Variants in LGI2 observed in about 807,000 individuals in gnomAD.
LGI2 encodes the protein leucine-rich repeat LGI family member 2.
Under a neutral mutation model 52.0 loss-of-function variants are expected in LGI2, and 30 were observed. That is an observed-to-expected ratio of 0.58 (90% CI 0.43 to 0.78). The LOEUF (loss-of-function observed/expected upper bound fraction) is 0.78. Ranked by LOEUF, LGI2 falls within the 30% of genes least tolerant of loss-of-function variation. The pLI, the probability that LGI2 is intolerant of heterozygous loss-of-function variation, is 0.00. For synonymous variants in LGI2, 270 were observed against 271.8 expected (o/e 0.99, Z 0.06); for missense variants, 573 against 692.5 (o/e 0.83, Z 1.94).
At chr4:25,017,270 G>A (rs897204231) in intron 6 of LGI2, among the ~76,000 whole-genome samples, 5 of 152,052 alleles carry the variant, frequency 3.3e-5, no homozygotes, top group African/African-American at 1.2e-4. Context: ...TGGGCCAGGC[G>A]CAGTGGTTCA....
rs576195395 is a variant in LGI2 at position 25,030,161 on chromosome 4, C to A, written c.197+336G>T. On this transcript the variant is annotated intron_variant, in intron 1 of 7. Coordinates refer to ENST00000382114, the MANE Select transcript of LGI2 (RefSeq NM_018176.4). Reference sequence around the variant, plus strand: ...CCTTGAGTCTCCCGGGGACGTCAAACGCACACTCCAGGACTCCACTCCAAA... The same window carrying A: ...CCTTGAGTCTCCCGGGGACGTCAAAAGCACACTCCAGGACTCCACTCCAAA... Among the ~76,000 whole-genome samples, 24 of 152,298 alleles carry A rather than the reference C, an allele frequency of 1.6e-4. 1 individual carries two copies. The East Asian group carries it at 3.9e-3, about 25-fold the overall frequency.
In LGI2 at chr4:25,003,038, T is replaced by C. The variant is rs763296006; in HGVS notation, c.*413A>G. 6.4e-6 allele frequency: 1 copy of C among 155,310 alleles called. No homozygotes were observed. Among genetic ancestry groups the C allele is most frequent in the Non-Finnish European group, 1.4e-5 (1 of 70,394 alleles). 9.6% of individuals were successfully genotyped at this position (155,310 alleles called of 1,614,324 possible). A position where few individuals can be genotyped will look rare whatever the true frequency, so the allele number is the denominator to read the frequency against. ...CAAATCTTTTCAGCAGACTTTTGGC[T>C]TTAAGAGTTCTTACCAAAAAGATTG... On this transcript the variant is annotated 3_prime_UTR_variant, in exon 8 of 8. Coordinates refer to ENST00000382114, the MANE Select transcript of LGI2 (RefSeq NM_018176.4).
At chr4:25,021,948 AAC>A (rs1553872558) in intron 4 of LGI2, among the ~76,000 whole-genome samples, 3 of 150,686 alleles carry the variant, frequency 2.0e-5, no homozygotes, top group Non-Finnish European at 4.4e-5. Context: ...AAAAAAAAAA[AAC>A]AAAGCCACCT....
the LGI2 span, among the ~76,000 whole-genome samples, chr4:24,993,292 T>C: frequency 1.6e-4 from 25 of 152,324 alleles, no homozygotes; most frequent in African/African-American, 6.0e-4. Flanking sequence ...TTTGCCACTC[T>C]TCAGCTGTGT....
At chr4:25,022,332 C>T (rs1034349856) in intron 4 of LGI2, among the ~76,000 whole-genome samples, 2 of 152,170 alleles carry the variant, frequency 1.3e-5, no homozygotes, top group Middle Eastern at 3.4e-3. Context: ...AACAGCATCC[C>T]GGGCAAGGGA....
At chr4:25,024,789 G>C (rs4697527) in intron 4 of LGI2, 31 bp downstream of exon 4, 44,235 of 1,476,756 alleles carry the variant, frequency 0.03, 1,037 homozygotes, top group East Asian at 0.096. Context: ...CCACATATTA[G>C]AGGACTTACA....
Position 25,003,759 on chromosome 4 carries a change from G to A in LGI2, c.1330C>T (p.Arg444Trp), listed in dbSNP as rs771116317. Reference protein sequence around the residue: ...LSLTRFIGDSRVMRWNSKQFV... With the variant: ...LSLTRFIGDSWVMRWNSKQFV... ...TGCTTACTGTTCCACCTCATGACCC[G>A]GGAGTCCCCGATGAAGCGGGTAAGG... The change falls in exon 8 of 8, where the codon CGG becomes TGG. Residue 444 changes from arginine (R) to tryptophan (W), a missense_variant. Arg to Trp is a moderately radical substitution (Grantham distance 101). Transcript: ENST00000382114. 56 of 1,614,072 alleles carry A rather than the reference G, an allele frequency of 3.5e-5. No homozygotes were observed. The highest frequency in any genetic ancestry group is 6.7e-5 in the African/African-American group (5 of 74,912).
intron 4 of LGI2, among the ~76,000 whole-genome samples, chr4:25,020,716 G>C (rs889036088): frequency 6.6e-6 from 1 of 152,156 alleles, no homozygotes; most frequent in African/African-American, 2.4e-5. Flanking sequence ...AAAGCTTGGA[G>C]CCCAAATATT....
At position 25,004,083 on chromosome 4, in the gene LGI2, C is replaced by T. The variant is rs146523002; in HGVS notation, c.1006G>A (p.Asp336Asn). ...PNDIELFQID[D>N]ETFFVIADSS... Reference sequence around the variant, plus strand: ...TCTGCGATGACAAAGAACGTCTCGTCGTCGATCTGAAACAGCTCGATGTCA... The same window carrying T: ...TCTGCGATGACAAAGAACGTCTCGTTGTCGATCTGAAACAGCTCGATGTCA... Residue 336 changes from aspartate to asparagine, a missense_variant, in exon 8 of 8, where the codon GAC becomes AAC. Coordinates refer to ENST00000382114, the MANE Select transcript of LGI2 (RefSeq NM_018176.4). This position sits in a 1 kb window ranked among gnomAD's most constrained non-coding sequence, Gnocchi z 4.6. 4.3e-6 allele frequency: 7 copies of T among 1,614,164 alleles called. No homozygotes were observed. Among genetic ancestry groups the T allele is most frequent in the African/African-American group, 1.3e-5 (1 of 75,038 alleles).
At chr4:25,013,924 C>T (rs552949323) in intron 6 of LGI2, among the ~76,000 whole-genome samples, 10 of 152,116 alleles carry the variant, frequency 6.6e-5, no homozygotes, top group African/African-American at 9.7e-5. Flanking sequence ...AGCCAGAAAG[C>T]GTGTGTTCAC....
downstream of LGI2, among the ~76,000 whole-genome samples, chr4:24,996,423 A>G (rs1438004591): frequency 1.3e-5 from 2 of 152,240 alleles, no homozygotes; most frequent in Non-Finnish European, 2.9e-5. Flanking sequence ...CTATAATCCA[A>G]AGAGGCAGGA....
chr4:24,993,516 G>A, the LGI2 span, among the ~76,000 whole-genome samples: 1 of 152,300 alleles, frequency 6.6e-6, no homozygotes, highest in East Asian at 1.9e-4. Context: ...GACTAGGCAT[G>A]CTGGGAAAAC....
intron 4 of LGI2, 127 bp from the exon 5 acceptor site, chr4:25,019,365 C>T (rs1725875901): frequency 3.2e-6 from 2 of 615,530 alleles, no homozygotes; most frequent in Non-Finnish European, 5.8e-6. Flanking sequence ...GAGAAATGAG[C>T]TTAGTTATGC....
chr4:25,028,380 G>A, intron 2 of LGI2, 127 bp downstream of exon 2: 1 of 762,576 alleles, frequency 1.3e-6, no homozygotes, highest in Non-Finnish European at 2.2e-6. Flanking sequence ...AACACCAAGA[G>A]GCAGCCACGG....
intron 4 of LGI2, among the ~76,000 whole-genome samples, chr4:25,021,285 G>A (rs1283523287): frequency 2.0e-5 from 3 of 152,122 alleles, no homozygotes; most frequent in Admixed American, 1.3e-4. Flanking sequence ...CTATTTAACA[G>A]TTCCCTGTCC....
chr4:24,993,503 T>C, the LGI2 span, among the ~76,000 whole-genome samples: 8 of 152,328 alleles, frequency 5.3e-5, no homozygotes, highest in African/African-American at 1.4e-4. Flanking sequence ...AGGTACACTT[T>C]GGGACTAGGC....
chr4:25,004,385 C>T lies in LGI2; in HGVS notation c.821-117G>A. 1.1e-6 allele frequency: 1 copy of T among 898,684 alleles called. No individual in the cohort carries two copies. The highest frequency in any genetic ancestry group is 1.7e-6 in the Non-Finnish European group (1 of 591,082). The allele number at this position is 898,684 out of a possible 1,614,324, so 55.7% of individuals were successfully genotyped here. A position where few individuals can be genotyped will look rare whatever the true frequency, so the allele number is the denominator to read the frequency against. On this transcript the variant is annotated intron_variant, in intron 7 of 7. Coordinates refer to ENST00000382114, the MANE Select transcript of LGI2 (RefSeq NM_018176.4). The surrounding 1 kb of genome is among the most constrained non-coding windows in gnomAD (Gnocchi z 4.6). ...GAAATGGCACAGCCACTATGGAAAA[C>T]AGTATGGTGGTTCCTTGAAAAATTA...
chr4:24,993,521 G>T, the LGI2 span, among the ~76,000 whole-genome samples: 1 of 152,154 alleles, frequency 6.6e-6, no homozygotes, highest in South Asian at 2.1e-4. Flanking sequence ...GGCATGCTGG[G>T]AAAACAGTGG....
At chr4:25,013,898 G>C (rs1032668198) in intron 6 of LGI2, among the ~76,000 whole-genome samples, 1 of 152,174 alleles carries the variant, frequency 6.6e-6, no homozygotes, top group Non-Finnish European at 1.5e-5. Context: ...GGCACTAGCA[G>C]TGCCAACAGT....
Sources: allele counts gnomAD v4.1 joint callset (sites outside exome capture counted in the v4.1 genomes callset), GRCh38; gene constraint gnomAD v4.1.1; non-coding constraint Gnocchi (gnomAD v3.1); transcripts MANE v1.5; gene names NCBI Gene and HGNC (gene_info 2026-07-23, HGNC 2026-07-21).